The following NELL2 variants were observed in gnomAD, a reference collection of about 807,000 sequenced individuals.
The protein encoded by NELL2 is protein kinase C-binding protein NELL2.
In NELL2, 41 loss-of-function variants were observed where a neutral mutation model predicts 109.6. The observed-to-expected ratio is 0.37, with a 90% CI of 0.29 to 0.49. NELL2 has a LOEUF of 0.49. Ranked by LOEUF, NELL2 falls within the 20% of genes least tolerant of loss-of-function variation. NELL2 has a pLI of 0.98. For missense variants in NELL2, 900 were observed against 1,008.3 expected, an observed-to-expected ratio of 0.89 and a Z score of 1.45; for synonymous variants, 355 against 344.7, an observed-to-expected ratio of 1.03 and a Z score of -0.33.
chr12:44,709,606 AG>A (rs1938082241), intron 11 of NELL2, among the ~76,000 whole-genome samples: 1 of 152,188 alleles, frequency 6.6e-6, no homozygotes, highest in South Asian at 2.1e-4. Flanking sequence ...AGCAATAGAT[AG>A]TTTTTTTGCA....
intron 9 of NELL2, among the ~76,000 whole-genome samples, chr12:44,769,675 G>T (rs1428026180): frequency 6.6e-6 from 1 of 152,058 alleles, no homozygotes; most frequent in Non-Finnish European, 1.5e-5. Context: ...ATTATTCTAT[G>T]AGTACTATTC....
chr12:44,661,329 C>T (rs1236263349), intron 13 of NELL2, among the ~76,000 whole-genome samples: 1 of 152,190 alleles, frequency 6.6e-6, no homozygotes, highest in Non-Finnish European at 1.5e-5. Context: ...ATCTGGGACT[C>T]TTCTTGCAAG....
At position 44,714,836 on chromosome 12, in the gene NELL2, A is replaced by G. The variant is rs1938402687; in HGVS notation, c.995-95T>C. On this transcript the variant is annotated intron_variant, in intron 9 of 19. Transcript: ENST00000429094. Reference sequence around the variant, plus strand: ...TGTAACAGCATTCCACATGTTATACACCTTTTTTCAACATGTATGACTAAC... The same window carrying G: ...TGTAACAGCATTCCACATGTTATACGCCTTTTTTCAACATGTATGACTAAC... 4 of 676,818 alleles carry G rather than the reference A, an allele frequency of 5.9e-6. No homozygotes were observed. The South Asian group carries it at 1.1e-4, about 19-fold the overall frequency. 41.9% of individuals were successfully genotyped at this position (676,818 alleles called of 1,614,324 possible). A position where few individuals can be genotyped will look rare whatever the true frequency, so the allele number is the denominator to read the frequency against.
At chr12:44,919,891 CA>C (rs879777639) in intron 1 of NELL2, among the ~76,000 whole-genome samples, 1 of 152,064 alleles carries the variant, frequency 6.6e-6, no homozygotes, top group Non-Finnish European at 1.5e-5. Context: ...ACCTAAATTC[CA>C]AAGGAAAACA....
chr12:44,739,409 T>C (rs184061304), intron 9 of NELL2, among the ~76,000 whole-genome samples: 29 of 152,282 alleles, frequency 1.9e-4, no homozygotes, highest in Admixed American at 1.2e-3. Flanking sequence ...AAATAGCTTG[T>C]AGTGGCCCCG....
intron 10 of NELL2, among the ~76,000 whole-genome samples, chr12:44,712,733 GC>G (rs1462144165): frequency 2.0e-5 from 3 of 151,958 alleles, no homozygotes; most frequent in Non-Finnish European, 4.4e-5. Context: ...GGTACATGTG[GC>G]TCTTTTACAC....
intron 1 of NELL2, among the ~76,000 whole-genome samples, chr12:44,882,515 C>T (rs957516158): frequency 9.2e-5 from 14 of 151,524 alleles, no homozygotes; most frequent in East Asian, 3.9e-4. Context: ...CGCACACACA[C>T]GCACACATAC....
chr12:44,780,134 G>T, intron 3 of NELL2, 112 bp from the exon 4 acceptor site: 2 of 1,071,954 alleles, frequency 1.9e-6, no homozygotes, highest in Non-Finnish European at 2.7e-6. Context: ...CTCCCACTAA[G>T]TACAACTAGA....
intron 1 of NELL2, among the ~76,000 whole-genome samples, chr12:44,888,415 A>T (rs955500792): frequency 1.4e-5 from 2 of 143,808 alleles, no homozygotes; most frequent in Non-Finnish European, 3.0e-5. Context: ...AAACTATTTG[A>T]CAAACCTTCA....
At chr12:44,644,323 A>G (rs1242709730) in intron 13 of NELL2, among the ~76,000 whole-genome samples, 2 of 152,066 alleles carry the variant, frequency 1.3e-5, no homozygotes, top group African/African-American at 2.4e-5. Context: ...TGAATTTTGT[A>G]TAATAAATCT....
At chr12:44,538,123 AAGGTGGTGACAGCAAAAACAAC>A (rs1179653175) in intron 15 of NELL2, among the ~76,000 whole-genome samples, 4 of 152,194 alleles carry the variant, frequency 2.6e-5, no homozygotes, top group Non-Finnish European at 4.4e-5. Flanking sequence ...CATAGACAAG[AAGGTGGTGACAGCAAAAACAAC>A]AGAACCCTTT....
At chr12:44,734,024 C>T (rs1840901106) in intron 9 of NELL2, among the ~76,000 whole-genome samples, 1 of 151,962 alleles carries the variant, frequency 6.6e-6, no homozygotes, top group Non-Finnish European at 1.5e-5. Context: ...TAGGTTTGGA[C>T]ATTTAATCAC....
chr12:44,720,141 C>T, intron 9 of NELL2, among the ~76,000 whole-genome samples: 1 of 152,118 alleles, frequency 6.6e-6, no homozygotes, highest in South Asian at 2.1e-4. Flanking sequence ...CTCTACAATG[C>T]TTAAATCTCT....
intron 9 of NELL2, among the ~76,000 whole-genome samples, chr12:44,770,262 T>C (rs1941495615): frequency 6.6e-6 from 1 of 152,194 alleles, no homozygotes; most frequent in African/African-American, 2.4e-5. Context: ...ATAAAAACAG[T>C]AATAACAGTT....
intron 3 of NELL2, among the ~76,000 whole-genome samples, chr12:44,808,236 T>A (rs1211621483): frequency 1.3e-5 from 2 of 152,040 alleles, no homozygotes; most frequent in Non-Finnish European, 2.9e-5. Context: ...AAACGGGGGA[T>A]GTGTGCTCTA....
chr12:44,691,398 C>T (rs553930207), intron 12 of NELL2, among the ~76,000 whole-genome samples: 11 of 152,296 alleles, frequency 7.2e-5, no homozygotes, highest in East Asian at 1.9e-4. Flanking sequence ...CAAACTTAAT[C>T]GATAACTGTG....
chr12:44,881,990 C>A (rs1022422453), intron 1 of NELL2, among the ~76,000 whole-genome samples: 4 of 151,706 alleles, frequency 2.6e-5, no homozygotes, highest in Non-Finnish European at 5.9e-5. Flanking sequence ...TTCTAAGTGT[C>A]CAAAGAATTT....
chr12:44,835,409 C>G (rs921945919), intron 2 of NELL2, among the ~76,000 whole-genome samples: 1 of 152,190 alleles, frequency 6.6e-6, no homozygotes, highest in Non-Finnish European at 1.5e-5. Flanking sequence ...AACGGTGCAG[C>G]AGGCTGCGGC....
chr12:44,530,987 C>G (rs947403809), intron 16 of NELL2, among the ~76,000 whole-genome samples: 1 of 152,188 alleles, frequency 6.6e-6, no homozygotes, highest in African/African-American at 2.4e-5. Context: ...ATAACTAATA[C>G]AACCCACTAG....
Sources: allele counts gnomAD v4.1 joint callset (sites outside exome capture counted in the v4.1 genomes callset), GRCh38; gene constraint gnomAD v4.1.1; transcripts MANE v1.5; gene names NCBI Gene and HGNC (gene_info 2026-07-23, HGNC 2026-07-21).